Variants in SUCLG2 observed in about 807,000 individuals in gnomAD.
SUCLG2 encodes the protein succinate-CoA ligase GDP-forming subunit beta.
In SUCLG2, 42 loss-of-function variants were observed where a neutral mutation model predicts 47.9. The observed-to-expected ratio is 0.88, with a 90% confidence interval of 0.69 to 1.14. SUCLG2 has a LOEUF of 1.14. Ranked by LOEUF, SUCLG2 falls within the 50% of genes most tolerant of loss-of-function variation. The pLI is 0.00. For missense variants in SUCLG2, 571 were observed against 525.9 expected, an observed-to-expected ratio of 1.09 and a Z score of -0.84; for synonymous variants, 195 against 197.3, an observed-to-expected ratio of 0.99 and a Z score of 0.10.
chr3:67,533,869 G>T (rs1195926038), intron 2 of SUCLG2, among the ~76,000 whole-genome samples: 1 of 152,120 alleles, frequency 6.6e-6, no homozygotes, highest in Non-Finnish European at 1.5e-5. Context: ...CTTTGAGACT[G>T]AAATAATTAT....
chr3:67,463,741 T>A (rs759723299), intron 9 of SUCLG2, among the ~76,000 whole-genome samples: 5 of 152,132 alleles, frequency 3.3e-5, no homozygotes, highest in Non-Finnish European at 7.4e-5. Context: ...ACTGGGGTTG[T>A]ATGGAAAAGG....
At chr3:67,432,588 G>C (rs909154444) in intron 9 of SUCLG2, among the ~76,000 whole-genome samples, 4 of 152,042 alleles carry the variant, frequency 2.6e-5, no homozygotes, top group Admixed American at 6.5e-5. Context: ...GTAAAATCCT[G>C]CCTATCCTTA....
chr3:67,462,964 G>T (rs1034753932), intron 9 of SUCLG2, among the ~76,000 whole-genome samples: 2 of 152,200 alleles, frequency 1.3e-5, no homozygotes, highest in Non-Finnish European at 2.9e-5. Flanking sequence ...TTTGATCACA[G>T]AAGTCTTCTG....
At chr3:67,580,148 C>G (rs190784011) in intron 2 of SUCLG2, among the ~76,000 whole-genome samples, 1 of 152,174 alleles carries the variant, frequency 6.6e-6, no homozygotes, top group African/African-American at 2.4e-5. Flanking sequence ...AAAAATCAAA[C>G]TTCATGGAAT....
At chr3:67,540,295 T>C (rs1448305540) in intron 2 of SUCLG2, among the ~76,000 whole-genome samples, 3 of 152,060 alleles carry the variant, frequency 2.0e-5, no homozygotes, top group Non-Finnish European at 4.4e-5. Context: ...AACTTATTTA[T>C]CCACTGGCTT....
intron 1 of SUCLG2, among the ~76,000 whole-genome samples, chr3:67,613,099 T>C (rs1700561305): frequency 6.6e-6 from 1 of 152,174 alleles, no homozygotes; most frequent in South Asian, 2.1e-4. Flanking sequence ...CTTGTCCTCT[T>C]AAGATTTTAT....
chr3:67,573,269 C>T (rs932352741), intron 2 of SUCLG2, among the ~76,000 whole-genome samples: 4 of 152,110 alleles, frequency 2.6e-5, no homozygotes, highest in African/African-American at 7.2e-5. Context: ...GAACTCTAAT[C>T]AAAACACCAG....
chr3:67,607,071 C>T (rs1385350371), intron 2 of SUCLG2, among the ~76,000 whole-genome samples: 3 of 152,184 alleles, frequency 2.0e-5, no homozygotes, highest in Admixed American at 6.5e-5. Context: ...AACTCTCAAC[C>T]TGTGCTACTG....
chr3:67,444,284 T>TG (rs1224650600), intron 9 of SUCLG2, among the ~76,000 whole-genome samples: 12 of 45,398 alleles, frequency 2.6e-4, no homozygotes, highest in African/African-American at 8.0e-4. Context: ...AGGAGGGAGA[T>TG]GGGGGGGTCA....
intron 9 of SUCLG2, among the ~76,000 whole-genome samples, chr3:67,444,343 T>C (rs1295849183): frequency 7.0e-4 from 39 of 55,674 alleles, no homozygotes; most frequent in African/African-American, 2.0e-3. Flanking sequence ...GTGGGGGGGT[T>C]AGCCCCCCGC....
intron 2 of SUCLG2, among the ~76,000 whole-genome samples, chr3:67,588,924 T>C (rs371306426): frequency 1.8e-4 from 28 of 152,182 alleles, no homozygotes; most frequent in African/African-American, 6.5e-4. Flanking sequence ...CAATCCCTTG[T>C]TTAAAATATC....
At chr3:67,440,887 C>T (rs890542076) in intron 9 of SUCLG2, among the ~76,000 whole-genome samples, 3 of 152,188 alleles carry the variant, frequency 2.0e-5, no homozygotes, top group African/African-American at 7.2e-5. Flanking sequence ...GGTATATAGA[C>T]AAAGGATTAC....
At position 67,495,833 on chromosome 3, in the gene SUCLG2, A is replaced by C; in HGVS notation, c.1027T>G (p.Tyr343Asp). The C allele has an allele frequency of 1.2e-6, 2 of 1,614,040 alleles. No homozygotes were observed. The highest frequency in any genetic ancestry group is 1.7e-6 in the Non-Finnish European group (2 of 1,179,968). The change falls in exon 9 of 11, where the codon TAT becomes GAT. Residue 343 changes from tyrosine (Y) to aspartate (D), a missense_variant. Physicochemically the swap from Tyr to Asp is radical, Grantham distance 160 (BLOSUM62 -3). Transcript: ENST00000307227. ...LGGGVKEAQV[Y>D]QAFKLLTADP... ...GCTGTGAGCAATTTGAATGCTTGAT[A>C]TACTTGAGCTTCCTTTACACCACCT...
chr3:67,543,570 T>C (rs1323051084), intron 2 of SUCLG2, among the ~76,000 whole-genome samples: 1 of 152,062 alleles, frequency 6.6e-6, no homozygotes, highest in Admixed American at 6.6e-5. Flanking sequence ...GAGGCTGAGG[T>C]GGGAGGATCC....
chr3:67,405,928 A>G (rs552504073), intron 9 of SUCLG2, among the ~76,000 whole-genome samples: 2 of 152,304 alleles, frequency 1.3e-5, no homozygotes, highest in African/African-American at 2.4e-5. Context: ...TCATCCCCAA[A>G]TTGAGGTGAA....
Position 67,441,104 on chromosome 3 carries a change from T to C in SUCLG2, c.1063-40253A>G, listed in dbSNP as rs546410751. Reference sequence around the variant, plus strand: ...ACATGGATGAAGCTGGAAACCATCATTCTCAGCAAACTAACACAGGAACAG... The same window carrying C: ...ACATGGATGAAGCTGGAAACCATCACTCTCAGCAAACTAACACAGGAACAG... On this transcript the variant is annotated intron_variant, in intron 9 of 10. Transcript: ENST00000307227. Among the ~76,000 whole-genome samples the C allele has an allele frequency of 2.6e-5, 4 of 152,234 alleles. No individual in the cohort carries two copies. The South Asian group carries it at 6.2e-4, about 24-fold the overall frequency.
intron 9 of SUCLG2, among the ~76,000 whole-genome samples, chr3:67,416,552 G>A (rs757508473): frequency 6.6e-6 from 1 of 152,034 alleles, no homozygotes; most frequent in Non-Finnish European, 1.5e-5. Context: ...TATCCTATTA[G>A]AATCTTATTT....
chr3:67,568,376 A>G (rs1707521703), intron 2 of SUCLG2, among the ~76,000 whole-genome samples: 1 of 152,234 alleles, frequency 6.6e-6, no homozygotes, highest in African/African-American at 2.4e-5. Context: ...CTAAAAAGTA[A>G]TATGATTCTT....
intron 9 of SUCLG2, among the ~76,000 whole-genome samples, chr3:67,416,266 A>G (rs1703037209): frequency 6.6e-6 from 1 of 152,228 alleles, no homozygotes; most frequent in African/African-American, 2.4e-5. Flanking sequence ...TCTTTCAATA[A>G]AATATTTTTC....
Sources: allele counts gnomAD v4.1 joint callset (sites outside exome capture counted in the v4.1 genomes callset), GRCh38; gene constraint gnomAD v4.1.1; transcripts MANE v1.5; gene names NCBI Gene and HGNC (gene_info 2026-07-23, HGNC 2026-07-21).